PTPRD: variants seen among roughly 807,000 people sequenced by gnomAD.
PTPRD encodes the protein receptor-type tyrosine-protein phosphatase delta.
A neutral mutation model predicts 214.5 loss-of-function variants in PTPRD; 34 were observed. The ratio of observed to expected loss-of-function variants is 0.16; its 90% confidence interval spans 0.12 to 0.21. The LOEUF is 0.21. Among genes scored for constraint, PTPRD ranks in the 10% least tolerant of loss-of-function variants. PTPRD has a pLI of 1.00. For missense variants in PTPRD, 2,545 were observed against 2,398.7 expected (o/e 1.06, Z -1.27); for synonymous variants, 1,128 against 845.7 (o/e 1.33, Z -5.79).
chr9:8,980,609 G>T (rs2099307176), intron 11 of PTPRD, among the ~76,000 whole-genome samples: 1 of 151,968 alleles, frequency 6.6e-6, no homozygotes, highest in Non-Finnish European at 1.5e-5. Flanking sequence ...AATTCCCCAA[G>T]GACAAACTGA....
chr9:10,462,132 T>C (rs1312703724), intron 2 of PTPRD, among the ~76,000 whole-genome samples: 2 of 152,090 alleles, frequency 1.3e-5, no homozygotes, highest in African/African-American at 4.8e-5. Flanking sequence ...ACAGGAGTTT[T>C]GGTAAATGAG....
chr9:8,485,256 C>G lies in PTPRD; in HGVS notation c.3124G>C (p.Glu1042Gln), dbSNP rs724159854. ...AAAGGCATGGCGGAGTTATAATTCT[C>G]TGGAATCTCCCAAGACAGCAACACG... ...TSVLLSWEIP[E>Q]NYNSAMPFKI... The change falls in exon 29 of 46, where the codon GAG (glutamate) becomes CAG (glutamine). Residue 1042 changes from glutamate to glutamine, a missense_variant. Physicochemically the swap from Glu to Gln is conservative, Grantham distance 29. Coordinates refer to ENST00000381196, the MANE Select transcript of PTPRD (RefSeq NM_002839.4). The G allele has an allele frequency of 6.2e-7, 1 of 1,614,086 alleles. No individual in the cohort carries two copies. The highest frequency in any genetic ancestry group is 1.6e-4 in the Middle Eastern group (1 of 6,062).
At chr9:8,781,107 T>C (rs2095675262) in intron 11 of PTPRD, among the ~76,000 whole-genome samples, 1 of 152,160 alleles carries the variant, frequency 6.6e-6, no homozygotes, top group African/African-American at 2.4e-5. Context: ...TTTTTTCCAG[T>C]CCCTGATTAA....
chr9:10,559,790 C>CA (rs932750053), intron 2 of PTPRD, among the ~76,000 whole-genome samples: 1 of 151,848 alleles, frequency 6.6e-6, no homozygotes, highest in Non-Finnish European at 1.5e-5. Flanking sequence ...TTTATGCAGC[C>CA]AAAAAACACA....
intron 37 of PTPRD, among the ~76,000 whole-genome samples, chr9:8,382,823 G>T (rs1001980360): frequency 3.9e-5 from 6 of 152,174 alleles, no homozygotes; most frequent in Non-Finnish European, 5.9e-5. Flanking sequence ...AAGGAAAAAA[G>T]CAGTTTCTGT....
chr9:9,173,663 A>G (rs1302020866), intron 10 of PTPRD, among the ~76,000 whole-genome samples: 1 of 152,110 alleles, frequency 6.6e-6, no homozygotes, highest in Non-Finnish European at 1.5e-5. Flanking sequence ...ACATATCTAA[A>G]CATAGAAAAG....
In PTPRD at chr9:10,381,791, G is replaced by A. The variant is rs531980889; in HGVS notation, c.-599-40774C>T. 2.0e-5 allele frequency among the ~76,000 whole-genome samples: 3 copies of A among 151,948 alleles called. No homozygotes were observed. The South Asian group carries it at 6.2e-4, about 32-fold the overall frequency. ...CTAGTGTGGAGGAAAATAATATTATGTCATACATAATGGCTTATTATAACT... is the reference window on the plus strand; with the variant it reads ...CTAGTGTGGAGGAAAATAATATTATATCATACATAATGGCTTATTATAACT... On this transcript the variant is annotated intron_variant, in intron 2 of 45. Transcript: ENST00000381196.
At chr9:9,512,226 G>C (rs2096726315) in intron 8 of PTPRD, among the ~76,000 whole-genome samples, 1 of 151,778 alleles carries the variant, frequency 6.6e-6, no homozygotes, top group Admixed American at 6.6e-5. Context: ...AAACACAAAA[G>C]CCATTGCTTC....
rs192042200 is a variant in PTPRD at position 9,526,338 on chromosome 9, G to A, written c.-237+48394C>T. 2.8e-3 allele frequency among the ~76,000 whole-genome samples: 425 copies of A among 152,174 alleles called. 1 individual carries two copies. The highest frequency in any genetic ancestry group is 9.3e-3 in the African/African-American group (386 of 41,544). On this transcript the variant is annotated intron_variant, in intron 8 of 45. Coordinates refer to ENST00000381196, the MANE Select transcript of PTPRD (RefSeq NM_002839.4). ...GGGCATGGACATGATTTTCTCTAGG[G>A]CACTTATCTAGGCTAGGTCATAGGG...
chr9:9,036,095 C>G (rs1056063682), intron 10 of PTPRD, among the ~76,000 whole-genome samples: 2 of 151,874 alleles, frequency 1.3e-5, no homozygotes, highest in African/African-American at 4.8e-5. Context: ...GACTGACTCA[C>G]TAATAAAGAT....
In PTPRD at chr9:8,431,630, T is replaced by C. The variant is rs368095023; in HGVS notation, c.4086+4962A>G. 5.4e-4 allele frequency among the ~76,000 whole-genome samples: 82 copies of C among 152,322 alleles called. No homozygotes were observed. In the South Asian group the frequency reaches 0.015, roughly 28 times the overall value. On this transcript the variant is annotated intron_variant, in intron 35 of 45. Transcript: ENST00000381196. ...ATGGTGAAATGAAGACTGGGGGTCA[T>C]GTTCTGTAATACATTACCCTAAACC...
intron 37 of PTPRD, among the ~76,000 whole-genome samples, chr9:8,388,690 G>A (rs1387524597): frequency 6.6e-6 from 1 of 152,122 alleles, no homozygotes; most frequent in Non-Finnish European, 1.5e-5. Context: ...GTTTAAACTA[G>A]CAAAACGCCC....
intron 3 of PTPRD, among the ~76,000 whole-genome samples, chr9:10,089,792 T>C (rs1361773288): frequency 6.6e-6 from 1 of 151,652 alleles, no homozygotes; most frequent in African/African-American, 2.4e-5. Context: ...TTAAATGAAC[T>C]AGGTGACGGG....
At chr9:10,292,749 A>G (rs1261026523) in intron 3 of PTPRD, among the ~76,000 whole-genome samples, 1 of 151,886 alleles carries the variant, frequency 6.6e-6, no homozygotes, top group African/African-American at 2.4e-5. Context: ...CACTCTCCTG[A>G]TGAATGACTG....
chr9:8,452,018 A>G (rs1050471014), intron 33 of PTPRD: 2 of 302,270 alleles, frequency 6.6e-6, no homozygotes, highest in Admixed American at 9.7e-5. Flanking sequence ...TGGTGCAAGG[A>G]AAGTTAGGAA....
intron 7 of PTPRD, among the ~76,000 whole-genome samples, chr9:9,699,455 G>C (rs369731935): frequency 6.6e-6 from 1 of 151,778 alleles, no homozygotes; most frequent in Non-Finnish European, 1.5e-5. Flanking sequence ...GTAATATTAG[G>C]GTCTTTGGTG....
chr9:10,306,974 C>A (rs1387723144), intron 3 of PTPRD, among the ~76,000 whole-genome samples: 2 of 152,054 alleles, frequency 1.3e-5, no homozygotes, highest in Admixed American at 1.3e-4. Flanking sequence ...TTATGGGGTA[C>A]ATGTGATATT....
At chr9:9,889,380 C>T (rs1202108077) in intron 5 of PTPRD, among the ~76,000 whole-genome samples, 1 of 151,916 alleles carries the variant, frequency 6.6e-6, no homozygotes, top group Non-Finnish European at 1.5e-5. Flanking sequence ...ATAATATATA[C>T]AATTTTATTT....
At chr9:8,534,858 T>C (rs937512946) in intron 14 of PTPRD, among the ~76,000 whole-genome samples, 3 of 151,858 alleles carry the variant, frequency 2.0e-5, no homozygotes, top group African/African-American at 4.8e-5. Flanking sequence ...AAGATATTTA[T>C]GAAAATTACA....
Sources: allele counts gnomAD v4.1 joint callset (sites outside exome capture counted in the v4.1 genomes callset), GRCh38; gene constraint gnomAD v4.1.1; transcripts MANE v1.5; gene names NCBI Gene and HGNC (gene_info 2026-07-23, HGNC 2026-07-21).